Variants in TMEM132D observed in about 807,000 individuals in gnomAD.
TMEM132D encodes the protein mature OL transmembrane protein.
TMEM132D carries 21 observed loss-of-function variants against 62.3 expected under a neutral mutation model. The observed-to-expected ratio is 0.34, with a 90% CI of 0.24 to 0.49. TMEM132D has a LOEUF of 0.49. Ranked by LOEUF, TMEM132D falls within the 20% of genes least tolerant of loss-of-function variation. The pLI is 0.99. For synonymous variants in TMEM132D, 621 were observed against 575.6 expected (o/e 1.08, Z -1.13); for missense variants, 1,346 against 1,402.8 (o/e 0.96, Z 0.65).
chr12:129,770,693 C>T (rs1242859960), intron 1 of TMEM132D, among the ~76,000 whole-genome samples: 1 of 152,204 alleles, frequency 6.6e-6, no homozygotes, highest in African/African-American at 2.4e-5. Flanking sequence ...CCTAGCTTGC[C>T]TTACGCAAGC....
intron 3 of TMEM132D, among the ~76,000 whole-genome samples, chr12:129,416,548 T>C (rs1393814224): frequency 6.6e-6 from 1 of 152,174 alleles, no homozygotes; most frequent in Non-Finnish European, 1.5e-5. Context: ...CTTTATTTCT[T>C]TCTTTTGCCT....
chr12:129,166,728 CATATATATATATACACATATACAT>C (rs1877569705), intron 5 of TMEM132D, among the ~76,000 whole-genome samples: 11 of 146,484 alleles, frequency 7.5e-5, no homozygotes, highest in Admixed American at 4.1e-4. Flanking sequence ...CACACACACA[CATATATATATATACACATATACAT>C]ACACACACAC....
intron 4 of TMEM132D, among the ~76,000 whole-genome samples, chr12:129,304,123 C>T (rs1489287381): frequency 6.6e-6 from 1 of 152,242 alleles, no homozygotes; most frequent in East Asian, 1.9e-4. Flanking sequence ...ATCTGGCTAT[C>T]CGTGAGCCCA....
chr12:129,752,301 A>G (rs1219079302), intron 1 of TMEM132D, among the ~76,000 whole-genome samples: 1 of 152,180 alleles, frequency 6.6e-6, no homozygotes, highest in Non-Finnish European at 1.5e-5. Flanking sequence ...AAACATACAA[A>G]TGTAAAAAAC....
At chr12:129,793,720 T>C (rs1191395161) in intron 1 of TMEM132D, among the ~76,000 whole-genome samples, 3 of 152,184 alleles carry the variant, frequency 2.0e-5, no homozygotes. Context: ...CCTTTTAAAA[T>C]TTTTGTACCA....
chr12:129,129,927 GATTT>G (rs760471452), intron 5 of TMEM132D, among the ~76,000 whole-genome samples: 2 of 151,402 alleles, frequency 1.3e-5, no homozygotes, highest in Non-Finnish European at 2.9e-5. Flanking sequence ...CTCATTCCCT[GATTT>G]ATTCTCCCTA....
intron 4 of TMEM132D, among the ~76,000 whole-genome samples, chr12:129,218,484 T>C (rs1879269579): frequency 2.0e-5 from 3 of 149,480 alleles, no homozygotes. Flanking sequence ...TGAAACACCA[T>C]GGTAAGTATT....
intron 2 of TMEM132D, among the ~76,000 whole-genome samples, chr12:129,552,820 G>A (rs1040044222): frequency 6.6e-6 from 1 of 151,628 alleles, no homozygotes; most frequent in East Asian, 1.9e-4. Flanking sequence ...TCTATCTACC[G>A]GTTTATATCC....
intron 1 of TMEM132D, among the ~76,000 whole-genome samples, chr12:129,860,116 C>T (rs1047292081): frequency 7.2e-5 from 11 of 152,198 alleles, no homozygotes; most frequent in Non-Finnish European, 1.3e-4. Context: ...TGAGAAGCAG[C>T]TGCCCCTAGA....
At chr12:129,415,503 T>C (rs1440137232) in intron 3 of TMEM132D, among the ~76,000 whole-genome samples, 1 of 152,226 alleles carries the variant, frequency 6.6e-6, no homozygotes, top group Non-Finnish European at 1.5e-5. Flanking sequence ...GACATAGATA[T>C]CTAATATTTT....
intron 5 of TMEM132D, among the ~76,000 whole-genome samples, chr12:129,086,736 A>G (rs1041377274): frequency 4.0e-5 from 6 of 149,210 alleles, no homozygotes; most frequent in African/African-American, 1.5e-4. Flanking sequence ...ATATTTATAT[A>G]TAGCATTATA....
chr12:129,558,736 T>G (rs1877130633), intron 2 of TMEM132D, among the ~76,000 whole-genome samples: 1 of 152,176 alleles, frequency 6.6e-6, no homozygotes, highest in Non-Finnish European at 1.5e-5. Context: ...TGCTGAGGCA[T>G]TCTCCCCTAA....
chr12:129,755,515 G>A (rs569847119), intron 1 of TMEM132D, among the ~76,000 whole-genome samples: 9 of 152,222 alleles, frequency 5.9e-5, no homozygotes, highest in East Asian at 1.9e-4. Context: ...CCTGTGACCC[G>A]ATCGCTCATC....
intron 3 of TMEM132D, among the ~76,000 whole-genome samples, chr12:129,478,399 A>G (rs1004386966): frequency 6.6e-6 from 1 of 152,242 alleles, no homozygotes; most frequent in Non-Finnish European, 1.5e-5. Context: ...TGGTTCCATT[A>G]TAACCTTACG....
At chr12:129,763,720 G>C (rs751323447) in intron 1 of TMEM132D, among the ~76,000 whole-genome samples, 3 of 138,558 alleles carry the variant, frequency 2.2e-5, no homozygotes, top group Admixed American at 7.7e-5. Context: ...GGGGTTCAAT[G>C]ATGAGTTGCT....
At chr12:129,638,682 T>C (rs1005279784) in intron 2 of TMEM132D, among the ~76,000 whole-genome samples, 7 of 151,806 alleles carry the variant, frequency 4.6e-5, no homozygotes, top group Non-Finnish European at 1.0e-4. Flanking sequence ...GAATTCTTTC[T>C]GCAGTTTCCG....
chr12:129,787,746 A>G (rs375841922), intron 1 of TMEM132D, among the ~76,000 whole-genome samples: 3 of 152,306 alleles, frequency 2.0e-5, no homozygotes, highest in East Asian at 3.9e-4. Flanking sequence ...AGAGGCCACC[A>G]GGGCAAAGAG....
At chr12:129,755,372 A>G (rs1416606166) in intron 1 of TMEM132D, among the ~76,000 whole-genome samples, 1 of 152,210 alleles carries the variant, frequency 6.6e-6, no homozygotes, top group Non-Finnish European at 1.5e-5. Context: ...AAAGTGTGCT[A>G]TTACACTTTC....
At chr12:129,655,559 T>C (rs1269256644) in intron 2 of TMEM132D, among the ~76,000 whole-genome samples, 1 of 152,000 alleles carries the variant, frequency 6.6e-6, no homozygotes, top group Non-Finnish European at 1.5e-5. Flanking sequence ...TGAATTCCTT[T>C]TCTACTTACC....
Sources: gnomAD v4.1 joint callset for allele counts (sites outside exome capture counted in the v4.1 genomes callset) on GRCh38, gnomAD v4.1.1 for gene constraint, MANE v1.5 for transcripts, NCBI Gene and HGNC (gene_info 2026-07-23, HGNC 2026-07-21) for gene names.